GLP1R: variants seen among roughly 807,000 people sequenced by gnomAD.
GLP1R encodes the protein glucagon-like peptide 1 receptor.
In GLP1R, 32 loss-of-function variants were observed where a neutral mutation model predicts 68.4. The observed-to-expected ratio is 0.47, with a 90% CI of 0.35 to 0.63. The LOEUF (loss-of-function observed/expected upper bound fraction) is 0.63, where lower values mean the gene tolerates loss of function less well. Ranked by LOEUF, GLP1R falls within the 20% of genes least tolerant of loss-of-function variation. The probability of loss-of-function intolerance (pLI) is 0.00; values close to 1 mark genes in which losing one functional copy is unlikely to be tolerated. For missense variants in GLP1R, 502 were observed against 594.9 expected (o/e 0.84, Z 1.62); for synonymous variants, 263 against 244.4 (o/e 1.08, Z -0.71).
In GLP1R at chr6:39,073,752, A is replaced by G. The variant is rs1768736919; in HGVS notation, c.806A>G (p.Tyr269Cys). 3.7e-6 allele frequency: 6 copies of G among 1,613,970 alleles called. No individual in the cohort carries two copies. The highest frequency in any genetic ancestry group is 5.1e-6 in the Non-Finnish European group (6 of 1,179,930). The change falls in exon 7 of 13, where the codon TAC becomes TGC. Residue 269 changes from tyrosine to cysteine, a missense_variant. Physicochemically the swap from Tyr to Cys is radical, Grantham distance 194. Coordinates refer to ENST00000373256, the MANE Select transcript of GLP1R (RefSeq NM_002062.5). ...TCTGAGCAATGGATCTTCAGGCTCT[A>G]CGTGAGCATAGGCTGGGGTAAGAAC... ...VLSEQWIFRL[Y>C]VSIGWGVPLL...
At chr6:39,066,977 T>A (rs1562010035) in intron 5 of GLP1R, among the ~76,000 whole-genome samples, 1 of 152,152 alleles carries the variant, frequency 6.6e-6, no homozygotes, top group South Asian at 2.1e-4. Context: ...ATAAATGCAT[T>A]CACTCAATGA....
chr6:39,048,926 C>A lies in GLP1R; in HGVS notation c.78+8C>A. On this transcript the variant is annotated splice_region_variant and intron_variant, in intron 1 of 12. Transcript: ENST00000373256. ...GCCGGCCCCCGCCCCCAGGTGAGATCCAGGGACCCCGACGACACCGGGGGA... is the reference window on the plus strand; with the variant it reads ...GCCGGCCCCCGCCCCCAGGTGAGATACAGGGACCCCGACGACACCGGGGGA... 2 of 1,283,700 alleles carry A rather than the reference C, an allele frequency of 1.6e-6. No individual in the cohort carries two copies. Among genetic ancestry groups the A allele is most frequent in the Non-Finnish European group, 2.1e-6 (2 of 972,474 alleles). 79.5% of individuals were successfully genotyped at this position (1,283,700 alleles called of 1,614,324 possible). A position where few individuals can be genotyped will look rare whatever the true frequency, so the allele number is the denominator to read the frequency against.
chr6:39,065,054 G>A (rs568459949), intron 3 of GLP1R, among the ~76,000 whole-genome samples: 4 of 152,284 alleles, frequency 2.6e-5, no homozygotes, highest in African/African-American at 7.2e-5. Flanking sequence ...GGCTGCATAC[G>A]ACCAAGAGGC....
intron 7 of GLP1R, 42 bp from the exon 8 acceptor site, chr6:39,078,280 C>T (rs373587303): frequency 5.0e-5 from 73 of 1,465,314 alleles, no homozygotes; most frequent in Non-Finnish European, 5.6e-5. Context: ...GTGGCTCTGG[C>T]CTGCCAGCCC....
chr6:39,070,631 T>G (rs925639297), intron 5 of GLP1R, among the ~76,000 whole-genome samples: 5 of 152,256 alleles, frequency 3.3e-5, no homozygotes, highest in African/African-American at 1.2e-4. Context: ...GTCTTCAGAC[T>G]TAATTGTTGC....
At chr6:39,059,758 C>T (rs1024945077) in intron 3 of GLP1R, among the ~76,000 whole-genome samples, 1 of 152,146 alleles carries the variant, frequency 6.6e-6, no homozygotes, top group Non-Finnish European at 1.5e-5. Context: ...GCTTGGCCAG[C>T]GTCTGCTGGG....
At chr6:39,081,386 A>G (rs1486876508) in intron 12 of GLP1R, among the ~76,000 whole-genome samples, 1 of 152,220 alleles carries the variant, frequency 6.6e-6, no homozygotes, top group Non-Finnish European at 1.5e-5. Context: ...GCCCTGGCTC[A>G]CTGTGGGGAA....
At chr6:39,068,613 A>G (rs1287190073) in intron 5 of GLP1R, among the ~76,000 whole-genome samples, 2 of 152,234 alleles carry the variant, frequency 1.3e-5, no homozygotes, top group East Asian at 3.8e-4. Context: ...CTGTAGAGTT[A>G]GCACCACGTG....
At chr6:39,056,764 C>T (rs957581503) in intron 2 of GLP1R, among the ~76,000 whole-genome samples, 3 of 152,176 alleles carry the variant, frequency 2.0e-5, no homozygotes, top group Admixed American at 6.5e-5. Context: ...GGCCCTTACT[C>T]GTTTGCTGTA....
chr6:39,058,030 G>T (rs1768260583), intron 3 of GLP1R, among the ~76,000 whole-genome samples: 1 of 152,214 alleles, frequency 6.6e-6, no homozygotes, highest in Non-Finnish European at 1.5e-5. Flanking sequence ...CTGGGGTGAG[G>T]GGAGCAGTCA....
In GLP1R at chr6:39,049,480, G is replaced by A. The variant is rs1768036781; in HGVS notation, c.78+562G>A. On this transcript the variant is annotated intron_variant, in intron 1 of 12. Transcript: ENST00000373256. The surrounding 1 kb of genome is among the most constrained non-coding windows in gnomAD (Gnocchi z 4.5). The stretch of plus-strand genomic sequence containing the variant: ...CACAGCCTTTGATTCATGGCTCCTG[G>A]GGCCCTGCGGTGGCAGCTTGTCCTT... Among the ~76,000 whole-genome samples, 1 of 152,074 alleles carries A rather than the reference G, an allele frequency of 6.6e-6. No individual in the cohort carries two copies. Among genetic ancestry groups the A allele is most frequent in the African/African-American group, 2.4e-5 (1 of 41,382 alleles).
At chr6:39,066,808 T>C (rs1583629658) in intron 5 of GLP1R, among the ~76,000 whole-genome samples, 1 of 152,028 alleles carries the variant, frequency 6.6e-6, no homozygotes, top group Non-Finnish European at 1.5e-5. Context: ...TTCCCACTCC[T>C]CTGCACTTGG....
chr6:39,076,433 GGA>G (rs1156993806), intron 7 of GLP1R, among the ~76,000 whole-genome samples: 1 of 152,082 alleles, frequency 6.6e-6, no homozygotes, highest in Non-Finnish European at 1.5e-5. Flanking sequence ...CAATGGGCCA[GGA>G]GAGAGAGAGC....
chr6:39,048,918 G>A lies in GLP1R; in HGVS notation c.78G>A (p.Gln26=), dbSNP rs761129253. Residue 26 remains glutamine, a splice_region_variant and synonymous_variant, in exon 1 of 13, where the codon CAG becomes CAA. Transcript: ENST00000373256. ...TGGGCAGGGCCGGCCCCCGCCCCCA[G>A]GTGAGATCCAGGGACCCCGACGACA... is the stretch of plus-strand genomic sequence containing the variant. The part of the protein sequence containing the change: ...GMVGRAGPRP[Q]GATVSLWETV... 3.7e-6 allele frequency: 5 copies of A among 1,366,384 alleles called. No homozygotes were observed. Among genetic ancestry groups the A allele is most frequent in the Non-Finnish European group, 3.8e-6 (4 of 1,041,468 alleles). 84.6% of individuals were successfully genotyped at this position (1,366,384 alleles called of 1,614,324 possible). A position where few individuals can be genotyped will look rare whatever the true frequency, so the allele number is the denominator to read the frequency against.
At position 39,065,785 on chromosome 6, in the gene GLP1R, T is replaced by C. The variant is rs759380877; in HGVS notation, c.358T>C (p.Trp120Arg). The C allele has an allele frequency of 2.5e-6, 4 of 1,600,852 alleles. No individual in the cohort carries two copies. Among genetic ancestry groups the C allele is most frequent in the South Asian group, 2.3e-5 (2 of 88,202 alleles). Residue 120 changes from tryptophan to arginine, a missense_variant, in exon 4 of 13, where the codon TGG (tryptophan) becomes CGG (arginine). Coordinates refer to ENST00000373256, the MANE Select transcript of GLP1R (RefSeq NM_002062.5). ...GCAGAAGGACAACTCCAGCCTGCCC[T>C]GGAGGGACTTGTCGGAGTGCGAGGA... The part of the protein sequence containing the change: ...WLQKDNSSLP[W>R]RDLSECEESK...
In GLP1R at chr6:39,073,612, C is replaced by T. The variant is rs1228779181; in HGVS notation, c.666C>T (p.Asp222=). 6.2e-7 allele frequency: 1 copy of T among 1,613,696 alleles called. No homozygotes were observed. Among genetic ancestry groups the T allele is most frequent in the South Asian group, 1.1e-5 (1 of 91,064 alleles). The change falls in exon 7 of 13, where the codon GAC becomes GAT. Residue 222 remains aspartate (D), a splice_region_variant and synonymous_variant. Coordinates refer to ENST00000373256, the MANE Select transcript of GLP1R (RefSeq NM_002062.5). The part of the protein sequence containing the change: ...HQWDGLLSYQ[D]SLSCRLVFLL... ...TGACACCCTTCCTCTACCCCCAGGA[C>T]TCTCTGAGCTGCCGCCTGGTGTTTC...
intron 7 of GLP1R, among the ~76,000 whole-genome samples, chr6:39,076,005 C>T (rs896382385): frequency 1.3e-5 from 2 of 152,306 alleles, no homozygotes; most frequent in East Asian, 3.9e-4. Context: ...GCAGGGAGTG[C>T]GTAATGTTTG....
chr6:39,080,385 G>A (rs1768968929), intron 11 of GLP1R, among the ~76,000 whole-genome samples: 1 of 152,230 alleles, frequency 6.6e-6, no homozygotes, highest in South Asian at 2.1e-4. Context: ...AGGAGAGGTT[G>A]GATGTAGGAT....
In GLP1R at chr6:39,089,373, T is replaced by TC. The variant is rs1228810937; in HGVS notation, c.*3304dup. On this transcript the variant is annotated 3_prime_UTR_variant, in exon 13 of 13. Transcript: ENST00000373256. This position sits in a 1 kb window ranked among gnomAD's most constrained non-coding sequence, Gnocchi z 4.1. ...AAAATAACCTAAAAGGTCTTGAACC[T>TC]CCCCTTTACCTCTTTAGAACCTCTG... Among the ~76,000 whole-genome samples the TC allele has an allele frequency of 6.6e-6, 1 of 152,138 alleles. No homozygotes were observed. The highest frequency in any genetic ancestry group is 1.5e-5 in the Non-Finnish European group (1 of 68,032).
Sources: allele counts gnomAD v4.1 joint callset (sites outside exome capture counted in the v4.1 genomes callset), GRCh38; gene constraint gnomAD v4.1.1; non-coding constraint Gnocchi (gnomAD v3.1); transcripts MANE v1.5; gene names NCBI Gene and HGNC (gene_info 2026-07-23, HGNC 2026-07-21).